Variants in DAGLA observed in about 807,000 individuals in gnomAD.
DAGLA encodes diacylglycerol lipase alpha, also known as diacylglycerol lipase-alpha.
Under a neutral mutation model 102.6 loss-of-function variants are expected in DAGLA, and 22 were observed. That is an observed-to-expected ratio of 0.21 (90% confidence interval 0.15 to 0.31). DAGLA has a LOEUF of 0.31. Among genes scored for constraint, DAGLA ranks in the 10% least tolerant of loss-of-function variants. DAGLA has a pLI of 1.00. For synonymous variants in DAGLA, 578 were observed against 628.9 expected, an observed-to-expected ratio of 0.92 and a Z score of 1.21; for missense variants, 927 against 1,446.6, an observed-to-expected ratio of 0.64 and a Z score of 5.83.
chr11:61,707,987 TTATG>T (rs978177414), intron 1 of DAGLA, among the ~76,000 whole-genome samples: 3 of 144,814 alleles, frequency 2.1e-5, no homozygotes, highest in African/African-American at 8.7e-5. Context: ...GGGAATTTAT[TTATG>T]TATTTATTTA....
chr11:61,728,899 T>C (rs1339555309), intron 7 of DAGLA, 32 bp from the exon 8 acceptor site: 45 of 1,604,650 alleles, frequency 2.8e-5, no homozygotes, highest in Non-Finnish European at 3.7e-5. Flanking sequence ...CCTGGGCCAG[T>C]GATTGTCCTT....
In DAGLA at chr11:61,686,331, A is replaced by C. The variant is rs1168818056; in HGVS notation, c.-45+5827A>C. On this transcript the variant is annotated intron_variant, in intron 1 of 19. Transcript: ENST00000257215. The surrounding 1 kb of genome is among the most constrained non-coding windows in gnomAD (Gnocchi z 5.2). ...CTGACTCCCGTCAGTGCTGGGCGGGAGTGTGAACGGCAGGCTTTCAGGGCT... is the reference window on the plus strand; with the variant it reads ...CTGACTCCCGTCAGTGCTGGGCGGGCGTGTGAACGGCAGGCTTTCAGGGCT... Among the ~76,000 whole-genome samples the C allele has an allele frequency of 1.3e-5, 2 of 152,030 alleles. 1 individual carries two copies. The highest frequency in any genetic ancestry group is 2.9e-5 in the Non-Finnish European group (2 of 67,984).
intron 19 of DAGLA, among the ~76,000 whole-genome samples, chr11:61,743,040 A>C (rs980756638): frequency 6.6e-6 from 1 of 152,102 alleles, no homozygotes. Flanking sequence ...TTTGTCTTCT[A>C]TCTTGGGTTC....
At chr11:61,726,195 G>A in intron 6 of DAGLA, 113 bp downstream of exon 6, 1 of 988,028 alleles carries the variant, frequency 1.0e-6, no homozygotes, top group South Asian at 1.3e-5. Flanking sequence ...GAAGGAGCTG[G>A]GTTTCCAGCG....
chr11:61,734,802 C>T lies in DAGLA; in HGVS notation c.975-47C>T. 2 of 1,566,634 alleles carry T rather than the reference C, an allele frequency of 1.3e-6. No homozygotes were observed. Among genetic ancestry groups the T allele is most frequent in the South Asian group, 1.1e-5 (1 of 87,580 alleles). On this transcript the variant is annotated intron_variant, in intron 9 of 19. Transcript: ENST00000257215. The surrounding 1 kb of genome is among the most constrained non-coding windows in gnomAD (Gnocchi z 4.2). ...GGGACAGTGGCAGGAGACATTTGTT[C>T]CCTCGGGGACTCCCTGGCCCTGAAC...
At chr11:61,722,706 G>A (rs1370740111) in intron 3 of DAGLA, among the ~76,000 whole-genome samples, 153 bp from the exon 4 acceptor site, 1 of 152,204 alleles carries the variant, frequency 6.6e-6, no homozygotes, top group Non-Finnish European at 1.5e-5. Flanking sequence ...CTGGGAGGCG[G>A]GGGGTGGGGG....
At chr11:61,688,467 G>A (rs1246596983) in intron 1 of DAGLA, among the ~76,000 whole-genome samples, 4 of 152,206 alleles carry the variant, frequency 2.6e-5, no homozygotes, top group Non-Finnish European at 4.4e-5. Flanking sequence ...GATGAATTCT[G>A]CAGCTTGCCA....
chr11:61,702,998 G>T (rs966335054), intron 1 of DAGLA, among the ~76,000 whole-genome samples: 1 of 152,238 alleles, frequency 6.6e-6, no homozygotes, highest in Non-Finnish European at 1.5e-5. Flanking sequence ...ATAGGGCTTT[G>T]GATCCCAGGC....
At chr11:61,699,528 G>A (rs984209022) in intron 1 of DAGLA, among the ~76,000 whole-genome samples, 2 of 152,292 alleles carry the variant, frequency 1.3e-5, no homozygotes, top group African/African-American at 4.8e-5. Context: ...TGTGCGGTGG[G>A]CATCCCTGGC....
intron 1 of DAGLA, among the ~76,000 whole-genome samples, chr11:61,693,810 C>T (rs1399323606): frequency 6.6e-6 from 1 of 152,236 alleles, no homozygotes; most frequent in African/African-American, 2.4e-5. Context: ...CAGGGTATGG[C>T]TGATGATCCC....
At chr11:61,680,902 C>T (rs2064936453) in intron 1 of DAGLA, among the ~76,000 whole-genome samples, 1 of 152,086 alleles carries the variant, frequency 6.6e-6, no homozygotes, top group Admixed American at 6.6e-5. Context: ...ATGGTGGTGC[C>T]GCTAGCATGG....
At chr11:61,711,076 C>T (rs2065191179) in intron 1 of DAGLA, among the ~76,000 whole-genome samples, 2 of 152,266 alleles carry the variant, frequency 1.3e-5, no homozygotes, top group Admixed American at 6.5e-5. Flanking sequence ...GAGAGAGTCG[C>T]GTTCCCGGGA....
intron 1 of DAGLA, among the ~76,000 whole-genome samples, chr11:61,683,104 T>G (rs1408212113): frequency 6.6e-6 from 1 of 152,222 alleles, no homozygotes; most frequent in East Asian, 1.9e-4. Flanking sequence ...AAGTCCTGTT[T>G]TTCTCTCACC....
At position 61,680,435 on chromosome 11, in the gene DAGLA, CG is replaced by C. The variant is rs2135541601; in HGVS notation, c.-110del. ...CCCTGCGGAAGCGGCGTTAGTGAAT[CG>C]GGGCCTTGGGGAGCCCAGGATGGAG... On this transcript the variant is annotated 5_prime_UTR_variant, in exon 1 of 20. Coordinates refer to ENST00000257215, the MANE Select transcript of DAGLA (RefSeq NM_006133.3). The C allele has an allele frequency of 6.6e-6, 1 of 152,104 alleles. No individual in the cohort carries two copies. The highest frequency in any genetic ancestry group is 2.4e-5 in the African/African-American group (1 of 41,432). 9.4% of individuals were successfully genotyped at this position (152,104 alleles called of 1,614,324 possible). A position where few individuals can be genotyped will look rare whatever the true frequency, so the allele number is the denominator to read the frequency against.
intron 1 of DAGLA, among the ~76,000 whole-genome samples, chr11:61,704,194 A>G (rs2065132517): frequency 6.7e-6 from 1 of 150,012 alleles, no homozygotes; most frequent in East Asian, 2.0e-4. Context: ...ATCTCGGCTC[A>G]TGGCACCTCT....
chr11:61,696,275 G>GA (rs1336498718), intron 1 of DAGLA, among the ~76,000 whole-genome samples: 3 of 152,190 alleles, frequency 2.0e-5, no homozygotes, highest in African/African-American at 7.2e-5. Flanking sequence ...AGTTCTCTGT[G>GA]AAGGTGTCTG....
chr11:61,737,435 G>T, intron 14 of DAGLA, 111 bp downstream of exon 14: 1 of 1,485,970 alleles, frequency 6.7e-7, no homozygotes, highest in Non-Finnish European at 9.2e-7. Flanking sequence ...TCACATGGAG[G>T]TCTGGGAGTG....
chr11:61,724,331 A>G (rs987873896), intron 5 of DAGLA, among the ~76,000 whole-genome samples: 3 of 152,196 alleles, frequency 2.0e-5, no homozygotes, highest in Non-Finnish European at 4.4e-5. Flanking sequence ...TCTACAGTGC[A>G]TTATGTAAGG....
intron 1 of DAGLA, among the ~76,000 whole-genome samples, chr11:61,691,411 C>G (rs1188600845): frequency 1.3e-5 from 2 of 152,236 alleles, no homozygotes; most frequent in Non-Finnish European, 2.9e-5. Flanking sequence ...AAAAGGCACA[C>G]AAAACTGAGT....
Sources: gnomAD v4.1 joint callset for allele counts (sites outside exome capture counted in the v4.1 genomes callset) on GRCh38, gnomAD v4.1.1 for gene constraint, Gnocchi (gnomAD v3.1) non-coding constraint, MANE v1.5 for transcripts, NCBI Gene and HGNC (gene_info 2026-07-23, HGNC 2026-07-21) for gene names.